The following CECR2 variants were observed in gnomAD, a reference collection of about 807,000 sequenced individuals.
The protein encoded by CECR2 is chromatin remodeling regulator CECR2.
In CECR2, 30 loss-of-function variants were observed where a neutral mutation model predicts 154.5. That is an observed-to-expected ratio of 0.19 (90% CI 0.15 to 0.26). CECR2 has a LOEUF of 0.26. Ranked by LOEUF, CECR2 falls within the 10% of genes least tolerant of loss-of-function variation. The pLI is 1.00. For synonymous variants in CECR2, 725 were observed against 683.7 expected, an observed-to-expected ratio of 1.06 and a Z score of -0.94; for missense variants, 1,743 against 1,829.3, an observed-to-expected ratio of 0.95 and a Z score of 0.86.
intron 2 of CECR2, among the ~76,000 whole-genome samples, chr22:17,490,439 T>G (rs2055506921): frequency 6.6e-6 from 1 of 151,990 alleles, no homozygotes; most frequent in Admixed American, 6.6e-5. Context: ...TGTATTTTTA[T>G]TTATTTATTT....
At chr22:17,511,921 G>C in intron 8 of CECR2, 25 bp downstream of exon 8, 1 of 1,550,862 alleles carries the variant, frequency 6.4e-7, no homozygotes, top group Non-Finnish European at 8.8e-7. Flanking sequence ...GAGTAGCGAG[G>C]AGGAGCTTTC....
chr22:17,519,226 A>C (rs2056112268), intron 8 of CECR2, among the ~76,000 whole-genome samples: 2 of 151,260 alleles, frequency 1.3e-5, no homozygotes, highest in Non-Finnish European at 2.9e-5. Context: ...AGCTCTGTGC[A>C]GTCCGTGCAG....
intron 1 of CECR2, among the ~76,000 whole-genome samples, chr22:17,462,786 A>G (rs1482056464): frequency 6.6e-6 from 1 of 152,152 alleles, no homozygotes; most frequent in African/African-American, 2.4e-5. Context: ...GGTGGCGAGC[A>G]CCTGTAATCC....
At chr22:17,374,893 C>A (rs2063099543) in intron 1 of CECR2, among the ~76,000 whole-genome samples, 1 of 152,052 alleles carries the variant, frequency 6.6e-6, no homozygotes, top group Non-Finnish European at 1.5e-5. Flanking sequence ...ATCTCAGGTT[C>A]TTTGAGGCCA....
At chr22:17,510,894 C>T (rs183350254) in intron 7 of CECR2, among the ~76,000 whole-genome samples, 131 of 152,252 alleles carry the variant, frequency 8.6e-4, no homozygotes, top group Middle Eastern at 3.4e-3. Context: ...CGTGAGCCAC[C>T]CCACCCAGCC....
intron 1 of CECR2, among the ~76,000 whole-genome samples, chr22:17,475,452 C>T (rs1170136414): frequency 6.6e-6 from 1 of 152,052 alleles, no homozygotes; most frequent in Non-Finnish European, 1.5e-5. Context: ...GTTTATCTTG[C>T]TGTTGTTGTT....
upstream of CECR2, chr22:17,369,305 G>GCGCGC (rs976433653): frequency 6.6e-6 from 1 of 150,910 alleles, no homozygotes; most frequent in Admixed American, 6.6e-5. Flanking sequence ...GCCCGGGGGC[G>GCGCGC]CGCGCCCCGC....
intron 16 of CECR2, among the ~76,000 whole-genome samples, chr22:17,543,493 C>T (rs892612846): frequency 1.3e-5 from 2 of 151,806 alleles, no homozygotes; most frequent in Non-Finnish European, 2.9e-5. Flanking sequence ...CTTGGTCCGT[C>T]GATCCCATTT....
chr22:17,502,584 A>G (rs1308234455), intron 5 of CECR2, among the ~76,000 whole-genome samples: 1 of 152,196 alleles, frequency 6.6e-6, no homozygotes, highest in Non-Finnish European at 1.5e-5. Context: ...CAGGCAGATC[A>G]TGAGGTCAGG....
At chr22:17,383,156 C>T (rs961635691) in intron 1 of CECR2, among the ~76,000 whole-genome samples, 3 of 152,024 alleles carry the variant, frequency 2.0e-5, no homozygotes, top group Non-Finnish European at 2.9e-5. Flanking sequence ...ACCCGGGAGG[C>T]GGAGTTTGCA....
chr22:17,506,934 G>A (rs532072413), intron 7 of CECR2, among the ~76,000 whole-genome samples: 14 of 152,148 alleles, frequency 9.2e-5, no homozygotes, highest in East Asian at 7.7e-4. Context: ...GATTACAGGC[G>A]TGAGCTACCA....
At chr22:17,496,631 C>A (rs947306769) in intron 2 of CECR2, among the ~76,000 whole-genome samples, 16 of 152,144 alleles carry the variant, frequency 1.1e-4, no homozygotes, top group Non-Finnish European at 2.1e-4. Flanking sequence ...TTCTGGAGGA[C>A]TTTCTGCCTT....
chr22:17,380,303 A>T (rs1313803831), intron 1 of CECR2, among the ~76,000 whole-genome samples: 1 of 152,206 alleles, frequency 6.6e-6, no homozygotes, highest in Non-Finnish European at 1.5e-5. Context: ...TTCGTTAGCC[A>T]TACACTCATT....
At chr22:17,451,464 C>T (rs1601381560) in intron 1 of CECR2, among the ~76,000 whole-genome samples, 2 of 152,116 alleles carry the variant, frequency 1.3e-5, no homozygotes, top group Admixed American at 6.6e-5. Flanking sequence ...GAAGCTAGGA[C>T]GAGATTGCAA....
rs75862979 is a variant in CECR2, at chr22:17,383,396, G to A, written c.126+13487G>A. On this transcript the variant is annotated intron_variant, in intron 1 of 18. Coordinates refer to ENST00000262608, the MANE Select transcript of CECR2 (RefSeq NM_001290047.2). ...AAAACTTCTTTCAAAATTGAAGTTGGTCCTCTCAAACCCTGCCACTGCTTT... is the reference window on the plus strand; with the variant it reads ...AAAACTTCTTTCAAAATTGAAGTTGATCCTCTCAAACCCTGCCACTGCTTT... Among the ~76,000 whole-genome samples the A allele has an allele frequency of 8.0e-3, 1,218 of 152,236 alleles. 18 individuals are homozygous for A. Among genetic ancestry groups the A allele is most frequent in the African/African-American group, 0.028 (1,183 of 41,542 alleles).
At position 17,389,206 on chromosome 22, in the gene CECR2, G is replaced by A. The variant is rs550391737; in HGVS notation, c.126+19297G>A. Reference sequence around the variant, plus strand: ...TAAGCTCCCTACCCAGATTCCCCACGTGTTCAGTTTTACACCATGTGCTTT... The same window carrying A: ...TAAGCTCCCTACCCAGATTCCCCACATGTTCAGTTTTACACCATGTGCTTT... On this transcript the variant is annotated intron_variant, in intron 1 of 18. Coordinates refer to ENST00000262608, the MANE Select transcript of CECR2 (RefSeq NM_001290047.2). Among the ~76,000 whole-genome samples the A allele has an allele frequency of 5.3e-5, 8 of 152,202 alleles. No homozygotes were observed. The East Asian group carries it at 9.7e-4, about 18-fold the overall frequency.
In CECR2 at chr22:17,453,399, G is replaced by T. The variant is rs566561371; in HGVS notation, c.127-24189G>T. On this transcript the variant is annotated intron_variant, in intron 1 of 18. Coordinates refer to ENST00000262608, the MANE Select transcript of CECR2 (RefSeq NM_001290047.2). ...GGAGGTTGTGGTGAGTCGAGATTGCGCCATTGCACTCCAGCCTGGGCAACA... is the reference window on the plus strand; with the variant it reads ...GGAGGTTGTGGTGAGTCGAGATTGCTCCATTGCACTCCAGCCTGGGCAACA... Among the ~76,000 whole-genome samples, 112 of 152,200 alleles carry T rather than the reference G, an allele frequency of 7.4e-4. 1 individual carries two copies. Among genetic ancestry groups the T allele is most frequent in the African/African-American group, 2.6e-3 (109 of 41,526 alleles).
intron 1 of CECR2, among the ~76,000 whole-genome samples, chr22:17,423,037 CTGCCTCTTCACACT>C (rs1386379292): frequency 6.6e-6 from 1 of 152,124 alleles, no homozygotes; most frequent in African/African-American, 2.4e-5. Flanking sequence ...GATGCTTGTT[CTGCCTCTTCACACT>C]ACTTTTTGCC....
chr22:17,413,667 A>G (rs1236401550), intron 1 of CECR2, among the ~76,000 whole-genome samples: 2 of 150,506 alleles, frequency 1.3e-5, no homozygotes, highest in Non-Finnish European at 3.0e-5. Context: ...AAGGAGGATT[A>G]TTATTATTAT....
Sources: allele counts gnomAD v4.1 joint callset (sites outside exome capture counted in the v4.1 genomes callset), GRCh38; gene constraint gnomAD v4.1.1; transcripts MANE v1.5; gene names NCBI Gene and HGNC (gene_info 2026-07-23, HGNC 2026-07-21).